HSP90AA1: variants seen among roughly 807,000 people sequenced by gnomAD.
HSP90AA1 encodes the protein heat shock protein HSP 90-alpha.
Under a neutral mutation model 73.3 loss-of-function variants are expected in HSP90AA1, and 18 were observed. That is an observed-to-expected ratio of 0.25 (90% CI 0.17 to 0.36). The LOEUF (loss-of-function observed/expected upper bound fraction) is 0.36, where lower values mean the gene tolerates loss of function less well. HSP90AA1 is among the 10% of genes least tolerant of loss of function. The pLI is 1.00. For missense variants in HSP90AA1, 704 were observed against 874.2 expected, an observed-to-expected ratio of 0.81 and a Z score of 2.45; for synonymous variants, 477 against 296.9, an observed-to-expected ratio of 1.61 and a Z score of -6.24.
upstream of HSP90AA1, chr14:102,139,740 C>T (rs2050227831): frequency 3.3e-6 from 3 of 903,222 alleles, no homozygotes. Flanking sequence ...GTGAGCACGC[C>T]TGCGCAGTCG....
rs530842270 is a variant in HSP90AA1 at position 102,101,206 on chromosome 14, C to A, written c.366+669G>T. Among the ~76,000 whole-genome samples, 4 of 152,284 alleles carry A rather than the reference C, an allele frequency of 2.6e-5. No homozygotes were observed. In the South Asian group the frequency reaches 8.3e-4, roughly 32 times the overall value. The stretch of plus-strand genomic sequence containing the variant: ...ATACACACATATATAATGTTCACTG[C>A]CATATTAGCAGGGCTCCAGAAGGAA... On this transcript the variant is annotated intron_variant, in intron 2 of 11. Transcript: ENST00000334701.
chr14:102,084,221 A>G, intron 6 of HSP90AA1, 178 bp downstream of exon 6: 2 of 688,890 alleles, frequency 2.9e-6, no homozygotes, highest in Non-Finnish European at 5.0e-6. Context: ...TAATTTTTGT[A>G]ATTTAGTAGA....
intron 1 of HSP90AA1, among the ~76,000 whole-genome samples, chr14:102,086,640 C>T (rs927818605): frequency 6.6e-6 from 1 of 151,272 alleles, no homozygotes; most frequent in African/African-American, 2.4e-5. Flanking sequence ...CCCCGGGTGC[C>T]CTCCCGCGCG....
At chr14:102,115,198 C>A (rs2049691138) in intron 1 of HSP90AA1, among the ~76,000 whole-genome samples, 1 of 151,738 alleles carries the variant, frequency 6.6e-6, no homozygotes, top group Non-Finnish European at 1.5e-5. Flanking sequence ...ACTAGGGAGG[C>A]TGAGACAAGA....
chr14:102,093,436 G>A (rs892158007), intron 2 of HSP90AA1, among the ~76,000 whole-genome samples: 3 of 148,622 alleles, frequency 2.0e-5, no homozygotes, highest in African/African-American at 7.5e-5. Context: ...TTAAACCCGA[G>A]AGCACACCAC....
At chr14:102,112,850 GTTTT>G (rs1205403267) in intron 1 of HSP90AA1, among the ~76,000 whole-genome samples, 2 of 152,046 alleles carry the variant, frequency 1.3e-5, no homozygotes, top group Non-Finnish European at 2.9e-5. Context: ...TATTCAAGAG[GTTTT>G]TTATTTTCCT....
chr14:102,118,549 T>C (rs2049736855), intron 1 of HSP90AA1, among the ~76,000 whole-genome samples: 1 of 152,026 alleles, frequency 6.6e-6, no homozygotes, highest in Admixed American at 6.6e-5. Context: ...TCACTTTTTG[T>C]TTTTTATATT....
chr14:102,130,260 C>T (rs982635597), intron 1 of HSP90AA1, among the ~76,000 whole-genome samples: 5 of 152,138 alleles, frequency 3.3e-5, no homozygotes, highest in East Asian at 1.9e-4. Context: ...TGAGCCACTG[C>T]GCCCGGCCGT....
upstream of HSP90AA1, among the ~76,000 whole-genome samples, chr14:102,090,589 A>G (rs1444319851): frequency 6.6e-6 from 1 of 152,034 alleles, no homozygotes; most frequent in Admixed American, 6.6e-5. Context: ...AGCTGGGACT[A>G]CAGGCGCCCG....
At chr14:102,119,018 C>T (rs2049742301) in intron 1 of HSP90AA1, among the ~76,000 whole-genome samples, 1 of 152,034 alleles carries the variant, frequency 6.6e-6, no homozygotes, top group South Asian at 2.1e-4. Context: ...CCACACCCAT[C>T]TAATTTTTGT....
rs535126478 is a variant in HSP90AA1, at chr14:102,106,203, T to C, written c.156-4118A>G. 3.3e-5 allele frequency among the ~76,000 whole-genome samples: 5 copies of C among 152,344 alleles called. No individual in the cohort carries two copies. The East Asian group carries it at 9.6e-4, about 29-fold the overall frequency. On this transcript the variant is annotated intron_variant, in intron 1 of 11. Transcript: ENST00000334701. ...AGAGCCTGGCTTTTCCAGTTCTTTG[T>C]TCAGAAACAGCTTTCTCAATCAATG...
intron 1 of HSP90AA1, among the ~76,000 whole-genome samples, chr14:102,113,079 A>T (rs2049661488): frequency 6.6e-6 from 1 of 152,018 alleles, no homozygotes; most frequent in Non-Finnish European, 1.5e-5. Flanking sequence ...GCTGGAGTGC[A>T]GTAGTGCGAT....
intron 1 of HSP90AA1, among the ~76,000 whole-genome samples, chr14:102,111,520 G>A (rs958733242): frequency 7.9e-5 from 12 of 152,196 alleles, no homozygotes; most frequent in African/African-American, 2.9e-4. Flanking sequence ...TACAGGCATT[G>A]GGTAAATACA....
chr14:102,127,148 T>C (rs975646036), intron 1 of HSP90AA1, among the ~76,000 whole-genome samples: 12 of 152,152 alleles, frequency 7.9e-5, no homozygotes, highest in African/African-American at 2.9e-4. Context: ...ACTAGCTCTT[T>C]AAAAAATCTC....
chr14:102,088,057 C>T (rs147596946), upstream of HSP90AA1, among the ~76,000 whole-genome samples: 238 of 150,986 alleles, frequency 1.6e-3, no homozygotes, highest in African/African-American at 5.4e-3. Flanking sequence ...AGGTGATCCT[C>T]CCGCCTCAGC....
chr14:102,139,360 G>A (rs759547325), exon 1 of HSP90AA1: 2 of 1,607,076 alleles, frequency 1.2e-6, no homozygotes, highest in East Asian at 2.2e-5. Context: ...CCCGAAGGGA[G>A]GGCCCAGGAG....
Position 102,081,538 on chromosome 14 carries a change from G to C in HSP90AA1, c.*174C>G. On this transcript the variant is annotated 3_prime_UTR_variant, in exon 11 of 11. Coordinates refer to ENST00000216281, the MANE Select transcript of HSP90AA1 (RefSeq NM_005348.4). ...AAAGCATTACTAGCTCTGCTTTAGT[G>C]CCTAAGGTATCACAGCATCACTTAG... 1.6e-6 allele frequency: 1 copy of C among 624,474 alleles called. No homozygotes were observed. Among genetic ancestry groups the C allele is most frequent in the South Asian group, 1.9e-5 (1 of 52,158 alleles). 38.7% of individuals were successfully genotyped at this position (624,474 alleles called of 1,614,324 possible).
chr14:102,085,708 C>CA, intron 3 of HSP90AA1, 50 bp downstream of exon 3: 1 of 1,612,096 alleles, frequency 6.2e-7, no homozygotes, highest in Non-Finnish European at 8.5e-7. Context: ...AGGGTTGCAG[C>CA]ACCCCACCCT....
chr14:102,134,019 C>T (rs1398754616), intron 1 of HSP90AA1, among the ~76,000 whole-genome samples: 5 of 151,720 alleles, frequency 3.3e-5, no homozygotes, highest in African/African-American at 7.3e-5. Context: ...TGCATGGTGG[C>T]GGGCGCCTGT....
Sources: allele counts gnomAD v4.1 joint callset (sites outside exome capture counted in the v4.1 genomes callset), GRCh38; gene constraint gnomAD v4.1.1; transcripts MANE v1.5; gene names NCBI Gene and HGNC (gene_info 2026-07-23, HGNC 2026-07-21).